The following PRR16 variants were observed in gnomAD, a reference collection of about 807,000 sequenced individuals.
The protein encoded by PRR16 is proline rich 16.
PRR16 carries 6 observed loss-of-function variants against 18.2 expected under a neutral mutation model. That is an observed-to-expected ratio of 0.33 (90% CI 0.18 to 0.65). The LOEUF is 0.65. Ranked by LOEUF, PRR16 falls within the 30% of genes least tolerant of loss-of-function variation. The pLI is 0.74. For synonymous variants in PRR16, 151 were observed against 147.8 expected (o/e 1.02, Z -0.16); for missense variants, 412 against 376.6 (o/e 1.09, Z -0.78).
chr5:120,644,464 G>A (rs2150127083), intron 1 of PRR16, among the ~76,000 whole-genome samples: 1 of 152,112 alleles, frequency 6.6e-6, no homozygotes, highest in African/African-American at 2.4e-5. Context: ...CATGGGATTT[G>A]GAAATATATT....
chr5:120,765,055 G>C, the PRR16 span, among the ~76,000 whole-genome samples: 1 of 151,870 alleles, frequency 6.6e-6, no homozygotes, highest in Admixed American at 6.6e-5. Flanking sequence ...GATATCCTCT[G>C]TCTTTTGAAA....
At chr5:120,516,685 G>A (rs116736641) in intron 1 of PRR16, among the ~76,000 whole-genome samples, 1,781 of 152,136 alleles carry the variant, frequency 0.012, 47 homozygotes, top group African/African-American at 0.04. Context: ...TCAAATAAGC[G>A]AAAACGGGAA....
chr5:120,617,264 A>T (rs1754542740), intron 1 of PRR16: 1 of 670,482 alleles, frequency 1.5e-6, no homozygotes, highest in South Asian at 6.6e-5. Flanking sequence ...GAAACATGCA[A>T]ACCAATATAT....
chr5:120,612,238 C>T (rs62376431), intron 1 of PRR16, among the ~76,000 whole-genome samples: 31,772 of 152,096 alleles, frequency 0.21, 4,151 homozygotes, highest in Middle Eastern at 0.37. Flanking sequence ...AAGAGAATTG[C>T]CTTGTCTCAG....
intron 1 of PRR16, among the ~76,000 whole-genome samples, chr5:120,573,980 GAA>G (rs543372108): frequency 1.3e-5 from 2 of 151,524 alleles, no homozygotes; most frequent in Non-Finnish European, 2.9e-5. Context: ...AAAGTGAACA[GAA>G]AAACATTACA....
At chr5:120,650,794 G>T (rs946461481) in intron 1 of PRR16, among the ~76,000 whole-genome samples, 20 of 152,102 alleles carry the variant, frequency 1.3e-4, no homozygotes, top group Non-Finnish European at 2.4e-4. Flanking sequence ...ACATACGTGT[G>T]CATGTGTCTT....
chr5:120,617,832 A>T (rs1441702342), intron 1 of PRR16, among the ~76,000 whole-genome samples: 1 of 152,164 alleles, frequency 6.6e-6, no homozygotes, highest in Non-Finnish European at 1.5e-5. Flanking sequence ...TGACCATAAG[A>T]ACGATCATTA....
At chr5:120,696,757 A>C in the PRR16 span, among the ~76,000 whole-genome samples, 1 of 152,182 alleles carries the variant, frequency 6.6e-6, no homozygotes, top group African/African-American at 2.4e-5. Flanking sequence ...GAAGGAGAGG[A>C]AGTGAAAAAT....
At chr5:120,736,241 A>C in the PRR16 span, among the ~76,000 whole-genome samples, 2 of 152,294 alleles carry the variant, frequency 1.3e-5, no homozygotes, top group South Asian at 4.1e-4. Context: ...GTTTAGAAAG[A>C]AGGAAGCGTG....
At chr5:120,728,716 G>T in the PRR16 span, among the ~76,000 whole-genome samples, 1 of 152,214 alleles carries the variant, frequency 6.6e-6, no homozygotes, top group South Asian at 2.1e-4. Flanking sequence ...CTGCATCTGG[G>T]CAGGAGTAAC....
intron 1 of PRR16, among the ~76,000 whole-genome samples, chr5:120,475,285 C>G (rs1749403550): frequency 6.6e-6 from 1 of 152,210 alleles, no homozygotes; most frequent in African/African-American, 2.4e-5. Context: ...AGTTGCTCTG[C>G]TATTTTTCAG....
chr5:120,635,847 T>C (rs1755210622), intron 1 of PRR16, among the ~76,000 whole-genome samples: 1 of 152,094 alleles, frequency 6.6e-6, no homozygotes, highest in Non-Finnish European at 1.5e-5. Flanking sequence ...TTGCTGATGG[T>C]ATGACTGTAT....
intron 1 of PRR16, among the ~76,000 whole-genome samples, chr5:120,619,309 A>G (rs1044795449): frequency 6.6e-6 from 1 of 152,196 alleles, no homozygotes; most frequent in African/African-American, 2.4e-5. Context: ...AGCTGAGTTC[A>G]GTTGAATAAA....
intron 1 of PRR16, among the ~76,000 whole-genome samples, chr5:120,651,887 G>A (rs141207960): frequency 1.3e-5 from 2 of 151,962 alleles, no homozygotes; most frequent in Non-Finnish European, 2.9e-5. Flanking sequence ...TAGCTTGATG[G>A]GGATGGCATT....
chr5:120,675,458 G>A (rs1000806987), intron 1 of PRR16, among the ~76,000 whole-genome samples: 1 of 152,104 alleles, frequency 6.6e-6, no homozygotes, highest in African/African-American at 2.4e-5. Flanking sequence ...TCTAACTTTT[G>A]TATTACTTCT....
intron 1 of PRR16, among the ~76,000 whole-genome samples, chr5:120,539,589 A>G (rs539932621): frequency 2.0e-5 from 3 of 152,274 alleles, no homozygotes; most frequent in South Asian, 4.1e-4. Flanking sequence ...TGACAAAATT[A>G]TCTGCATACC....
At chr5:120,625,998 G>T (rs949371055) in intron 1 of PRR16, among the ~76,000 whole-genome samples, 1 of 152,008 alleles carries the variant, frequency 6.6e-6, no homozygotes, top group Non-Finnish European at 1.5e-5. Flanking sequence ...TCCCACTCCA[G>T]AATCTGTGCT....
chr5:120,510,813 T>C (rs1561523992), intron 1 of PRR16, among the ~76,000 whole-genome samples: 1 of 152,210 alleles, frequency 6.6e-6, no homozygotes, highest in African/African-American at 2.4e-5. Flanking sequence ...TGTAATGGAA[T>C]GAAAGGTAAA....
Position 120,686,801 on chromosome 5 carries a change from C to T in PRR16, c.*92C>T. ...CTTTCTACTCAAGCAATAAAAAGCCCAAATATATTAATCCTGCATTCAGCA... is the reference window on the plus strand; with the variant it reads ...CTTTCTACTCAAGCAATAAAAAGCCTAAATATATTAATCCTGCATTCAGCA... On this transcript the variant is annotated 3_prime_UTR_variant, in exon 2 of 2. Transcript: ENST00000407149. 1 of 1,080,928 alleles carries T rather than the reference C, an allele frequency of 9.3e-7. No homozygotes were observed. The highest frequency in any genetic ancestry group is 1.2e-6 in the Non-Finnish European group (1 of 810,330). The allele number at this position is 1,080,928 out of a possible 1,614,324, so 67.0% of individuals were successfully genotyped here.
Sources: allele counts gnomAD v4.1 joint callset (sites outside exome capture counted in the v4.1 genomes callset), GRCh38; gene constraint gnomAD v4.1.1; transcripts MANE v1.5; gene names NCBI Gene and HGNC (gene_info 2026-07-23, HGNC 2026-07-21).